Variants in RGL1 observed in about 807,000 individuals in gnomAD.
RGL1 encodes the protein ral guanine nucleotide dissociation stimulator like 1.
A neutral mutation model predicts 95.2 loss-of-function variants in RGL1; 24 were observed. That is an observed-to-expected ratio of 0.25 (90% CI 0.18 to 0.35). The LOEUF (loss-of-function observed/expected upper bound fraction) is 0.35, where lower values mean the gene tolerates loss of function less well. RGL1 is among the 10% of genes least tolerant of loss of function. The pLI is 1.00. For synonymous variants in RGL1, 329 were observed against 344.9 expected, an observed-to-expected ratio of 0.95 and a Z score of 0.51; for missense variants, 715 against 936.3, an observed-to-expected ratio of 0.76 and a Z score of 3.08.
Position 183,897,292 on chromosome 1 carries a change from G to C in RGL1, c.1141-516G>C, listed in dbSNP as rs574529019. Among the ~76,000 whole-genome samples, 101 of 152,290 alleles carry C rather than the reference G, an allele frequency of 6.6e-4. 1 individual carries two copies. Among genetic ancestry groups the C allele is most frequent in the Middle Eastern group, 3.4e-3 (1 of 294 alleles). On this transcript the variant is annotated intron_variant, in intron 9 of 17. Transcript: ENST00000360851. Reference sequence around the variant, plus strand: ...CTCATGCCTGTAATCCCAGCACTTGGGGAAGCTGAGGCAGGTGGATGATCT... The same window carrying C: ...CTCATGCCTGTAATCCCAGCACTTGCGGAAGCTGAGGCAGGTGGATGATCT...
Position 183,926,749 on chromosome 1 carries a change from TAG to T in RGL1, c.*462_*463del, listed in dbSNP as rs1168121333. Reference sequence around the variant, plus strand: ...GAGTAAATGGAATCAGTCCTGGGAATAGAGAGTGTCCTTTGTGCCAGTATTAC... The same window carrying T: ...GAGTAAATGGAATCAGTCCTGGGAATAGAGTGTCCTTTGTGCCAGTATTAC... On this transcript the variant is annotated 3_prime_UTR_variant, in exon 18 of 18. Coordinates refer to ENST00000360851, the MANE Select transcript of RGL1 (RefSeq NM_001297671.3). The T allele has an allele frequency of 3.9e-5, 6 of 152,646 alleles. No individual in the cohort carries two copies. The highest frequency in any genetic ancestry group is 5.9e-5 in the Non-Finnish European group (4 of 68,066). 9.5% of individuals were successfully genotyped at this position (152,646 alleles called of 1,614,324 possible). A position where few individuals can be genotyped will look rare whatever the true frequency, so the allele number is the denominator to read the frequency against.
At chr1:183,903,398 T>C (rs1028233981) in intron 12 of RGL1, among the ~76,000 whole-genome samples, 12 of 152,210 alleles carry the variant, frequency 7.9e-5, no homozygotes, top group South Asian at 2.1e-4. Context: ...TAAAACAGTC[T>C]TGAAATTTTT....
At chr1:183,749,350 A>G (rs950144616) in intron 2 of RGL1, among the ~76,000 whole-genome samples, 1 of 152,142 alleles carries the variant, frequency 6.6e-6, no homozygotes, top group Admixed American at 6.5e-5. Context: ...TTCTTGTTGC[A>G]TCGATCCCTT....
chr1:183,773,307 T>C (rs557131001), intron 2 of RGL1, among the ~76,000 whole-genome samples: 8 of 152,336 alleles, frequency 5.3e-5, no homozygotes, highest in African/African-American at 1.9e-4. Context: ...TATTCTTTTC[T>C]AGTAGACTAT....
At position 183,859,358 on chromosome 1, in the gene RGL1, T is replaced by A. The variant is rs569839731; in HGVS notation, c.348-6638T>A. 5.9e-5 allele frequency among the ~76,000 whole-genome samples: 9 copies of A among 152,346 alleles called. No individual in the cohort carries two copies. The East Asian group carries it at 9.6e-4, about 16-fold the overall frequency. On this transcript the variant is annotated intron_variant, in intron 3 of 17. Transcript: ENST00000360851. The stretch of plus-strand genomic sequence containing the variant: ...TTAAATCTGCGTGAGATATAAGTTG[T>A]GGCAGGAGAGAACTTTTTTTCTTTC...
intron 1 of RGL1, among the ~76,000 whole-genome samples, chr1:183,663,223 A>C (rs1651773537): frequency 6.6e-6 from 1 of 152,082 alleles, no homozygotes; most frequent in Admixed American, 6.5e-5. Context: ...GGATCTAATT[A>C]AACTAAAGAG....
At chr1:183,715,142 A>G (rs1655531805) in intron 1 of RGL1, among the ~76,000 whole-genome samples, 1 of 152,172 alleles carries the variant, frequency 6.6e-6, no homozygotes, top group Non-Finnish European at 1.5e-5. Flanking sequence ...ACCCCAGCCT[A>G]TATAATACTA....
At chr1:183,718,061 A>G (rs1655739018) in intron 1 of RGL1, among the ~76,000 whole-genome samples, 1 of 152,094 alleles carries the variant, frequency 6.6e-6, no homozygotes, top group South Asian at 2.1e-4. Context: ...CCTGGCTAAC[A>G]CGGTGAAACC....
chr1:183,926,993 C>T lies in RGL1; in HGVS notation c.*701C>T, dbSNP rs1669650430. The T allele has an allele frequency of 1.3e-5, 2 of 152,604 alleles. No homozygotes were observed. The highest frequency in any genetic ancestry group is 6.5e-5 in the Admixed American group (1 of 15,280). The allele number at this position is 152,604 out of a possible 1,614,324, so 9.5% of individuals were successfully genotyped here. A position where few individuals can be genotyped will look rare whatever the true frequency, so the allele number is the denominator to read the frequency against. ...GGAGGAGCTTCGGAGGACCATCGCCCCACTGGTCTAGCCATCATGACACCT... is the reference window on the plus strand; with the variant it reads ...GGAGGAGCTTCGGAGGACCATCGCCTCACTGGTCTAGCCATCATGACACCT... On this transcript the variant is annotated 3_prime_UTR_variant, in exon 18 of 18. Coordinates refer to ENST00000360851, the MANE Select transcript of RGL1 (RefSeq NM_001297671.3).
At chr1:183,907,851 G>T (rs1188933712) in intron 14 of RGL1, among the ~76,000 whole-genome samples, 2 of 151,944 alleles carry the variant, frequency 1.3e-5, no homozygotes, top group Non-Finnish European at 2.9e-5. Context: ...TAAAATATTA[G>T]CTGGGCATGG....
intron 2 of RGL1, among the ~76,000 whole-genome samples, chr1:183,783,674 C>A (rs534153746): frequency 2.6e-5 from 4 of 152,066 alleles, no homozygotes; most frequent in Non-Finnish European, 5.9e-5. Flanking sequence ...ATCTTATTCC[C>A]AAGATATTTA....
chr1:183,790,020 A>C (rs1660368685), intron 2 of RGL1, among the ~76,000 whole-genome samples: 1 of 151,726 alleles, frequency 6.6e-6, no homozygotes, highest in Non-Finnish European at 1.5e-5. Flanking sequence ...TCCCGGGTTC[A>C]AGCGATTCTC....
chr1:183,721,311 G>GT (rs1283214582), intron 1 of RGL1, among the ~76,000 whole-genome samples: 1 of 152,120 alleles, frequency 6.6e-6, no homozygotes, highest in Non-Finnish European at 1.5e-5. Context: ...CCCTTGTCAT[G>GT]TAAGTCTTTT....
chr1:183,880,386 AC>A (rs35561523), intron 4 of RGL1, among the ~76,000 whole-genome samples: 10 of 50,716 alleles, frequency 2.0e-4, no homozygotes, highest in Admixed American at 3.6e-4. Flanking sequence ...AACAACAACA[AC>A]AAAAAACCTT....
At chr1:183,798,324 T>A (rs1299877575) in intron 2 of RGL1, among the ~76,000 whole-genome samples, 1 of 152,174 alleles carries the variant, frequency 6.6e-6, no homozygotes. Context: ...GATATTGCCA[T>A]CTTCAAGGCA....
chr1:183,797,243 C>T (rs901497769), intron 2 of RGL1, among the ~76,000 whole-genome samples: 1 of 152,086 alleles, frequency 6.6e-6, no homozygotes, highest in Non-Finnish European at 1.5e-5. Flanking sequence ...GCAGGAGAAT[C>T]GCTTGAACCC....
intron 2 of RGL1, among the ~76,000 whole-genome samples, chr1:183,838,835 A>G (rs1392173186): frequency 6.6e-6 from 1 of 152,198 alleles, no homozygotes; most frequent in Admixed American, 6.5e-5. Context: ...GCTAATTTTC[A>G]TGGCGTAAAT....
chr1:183,863,964 T>C (rs1203943726), intron 3 of RGL1, among the ~76,000 whole-genome samples: 1 of 152,158 alleles, frequency 6.6e-6, no homozygotes, highest in Non-Finnish European at 1.5e-5. Flanking sequence ...CCAGTATAAG[T>C]TACTTAGTCT....
chr1:183,652,526 T>G (rs928861742), intron 1 of RGL1, among the ~76,000 whole-genome samples: 2 of 152,226 alleles, frequency 1.3e-5, no homozygotes, highest in Non-Finnish European at 2.9e-5. Flanking sequence ...CTTAGAGAAT[T>G]CATGGTTTAT....
Sources: gnomAD v4.1 joint callset for allele counts (sites outside exome capture counted in the v4.1 genomes callset) on GRCh38, gnomAD v4.1.1 for gene constraint, MANE v1.5 for transcripts, NCBI Gene and HGNC (gene_info 2026-07-23, HGNC 2026-07-21) for gene names.